Variants in BLM observed in about 807,000 individuals in gnomAD.
BLM encodes BLM RecQ like helicase.
In BLM, 95 loss-of-function variants were observed where a neutral mutation model predicts 135.3. The observed-to-expected ratio is 0.70, with a 90% CI of 0.59 to 0.83. The LOEUF is 0.83. Ranked by LOEUF, BLM falls within the 40% of genes least tolerant of loss-of-function variation. BLM has a pLI of 0.00. For missense variants in BLM, 1,518 were observed against 1,663.9 expected, an observed-to-expected ratio of 0.91 and a Z score of 1.53; for synonymous variants, 520 against 589.2, an observed-to-expected ratio of 0.88 and a Z score of 1.70.
intron 8 of BLM, among the ~76,000 whole-genome samples, chr15:90,763,736 T>C (rs985787577): frequency 6.6e-6 from 1 of 152,228 alleles, no homozygotes; most frequent in African/African-American, 2.4e-5. Flanking sequence ...TAGCACGATA[T>C]TGTGTTGGCC....
intron 8 of BLM, 83 bp from the exon 9 acceptor site, chr15:90,765,213 A>T: frequency 9.0e-7 from 1 of 1,114,046 alleles, no homozygotes; most frequent in Non-Finnish European, 1.4e-6. Context: ...GTGTCCTATT[A>T]ATGATATGAT....
At chr15:90,811,442 A>G (rs756056447) in intron 21 of BLM, 36 bp downstream of exon 21, 13 of 1,601,546 alleles carry the variant, frequency 8.1e-6, no homozygotes, top group Non-Finnish European at 1.1e-5. Flanking sequence ...TATAGGGAAC[A>G]AGGGAAGAAA....
chr15:90,780,566 A>C (rs1164005951), intron 12 of BLM, among the ~76,000 whole-genome samples: 1 of 152,244 alleles, frequency 6.6e-6, no homozygotes, highest in East Asian at 1.9e-4. Context: ...CTTATGAAAA[A>C]GGACAGCCAG....
intron 21 of BLM, among the ~76,000 whole-genome samples, chr15:90,812,149 C>T (rs950204123): frequency 7.2e-5 from 11 of 152,104 alleles, no homozygotes; most frequent in Non-Finnish European, 1.2e-4. Flanking sequence ...GTACTTGCTC[C>T]GCTGCTTTTA....
intron 21 of BLM, among the ~76,000 whole-genome samples, chr15:90,811,798 C>G (rs536716506): frequency 8.7e-5 from 13 of 149,518 alleles, no homozygotes; most frequent in South Asian, 6.3e-4. Flanking sequence ...GCTGGGACTC[C>G]AGGTGTATAC....
At chr15:90,814,974 A>T in intron 21 of BLM, 128 bp from the exon 22 acceptor site, 1 of 904,524 alleles carries the variant, frequency 1.1e-6, no homozygotes, top group Non-Finnish European at 1.7e-6. Flanking sequence ...GGGGGCTCGT[A>T]GGCAGAAAAT....
intron 17 of BLM, 47 bp downstream of exon 17, chr15:90,798,384 A>G (rs1897084612): frequency 5.1e-6 from 8 of 1,582,206 alleles, no homozygotes; most frequent in Non-Finnish European, 6.0e-6. Context: ...TTGAAATTGA[A>G]CATCTAAAGA....
rs984620626 is a variant in BLM at position 90,815,740 on chromosome 15, G to T, written c.*461G>T. On this transcript the variant is annotated 3_prime_UTR_variant, in exon 22 of 22. Transcript: ENST00000355112. The surrounding 1 kb of genome is among the most constrained non-coding windows in gnomAD (Gnocchi z 4.6). ...GAACCAGTCAGAAACATCCCAGGGG[G>T]CAGGTGGACCAAGGATGTGAACAGG... The T allele has an allele frequency of 3.9e-4, 71 of 183,210 alleles. No individual in the cohort carries two copies. Among genetic ancestry groups the T allele is most frequent in the African/African-American group, 1.6e-3 (66 of 41,666 alleles). 11.3% of individuals were successfully genotyped at this position (183,210 alleles called of 1,614,324 possible).
In BLM at chr15:90,811,290, CG is replaced by C; in HGVS notation, c.3961del (p.Val1321TyrfsTer85). 1.9e-6 allele frequency: 3 copies of C among 1,614,150 alleles called. No homozygotes were observed. The highest frequency in any genetic ancestry group is 2.5e-6 in the Non-Finnish European group (3 of 1,180,026). On this transcript the variant is annotated frameshift_variant, in exon 21 of 22. Transcript: ENST00000355112. LOFTEE classifies it high-confidence loss of function. ...AAEELDEEIP[V>X]SSHYFASKTR... The stretch of plus-strand genomic sequence containing the variant: ...CTGAGGAGCTCGACGAGGAAATACC[CG>C]TATCTTCCCACTACTTTGCAAGTAA...
intron 8 of BLM, 67 bp from the exon 9 acceptor site, chr15:90,765,229 T>C: frequency 7.8e-7 from 1 of 1,289,264 alleles, no homozygotes; most frequent in Non-Finnish European, 1.1e-6. Context: ...ATGATTTCTT[T>C]TGTAACTTTT....
At chr15:90,734,702 GAGA>G (rs1895163589) in intron 1 of BLM, among the ~76,000 whole-genome samples, 1 of 63,826 alleles carries the variant, frequency 1.6e-5, no homozygotes, top group African/African-American at 1.2e-4. Context: ...CACGCAGAGA[GAGA>G]GAGAGAGAGA....
Position 90,815,099 on chromosome 15 carries a change from CA to C in BLM, c.4077-2del. The C allele has an allele frequency of 1.9e-6, 3 of 1,613,866 alleles. No individual in the cohort carries two copies. Among genetic ancestry groups the C allele is most frequent in the Non-Finnish European group, 2.5e-6 (3 of 1,180,010 alleles). On this transcript the variant is annotated splice_acceptor_variant, in intron 21 of 21. Coordinates refer to ENST00000355112, the MANE Select transcript of BLM (RefSeq NM_000057.4). LOFTEE classifies it high-confidence loss of function. The surrounding 1 kb of genome is among the most constrained non-coding windows in gnomAD (Gnocchi z 4.6). ...TTTGATTTTTTTCTTTGTCACATTT[CA>C]GGGGGTCTGCCACATGTAGAAAGAT...
chr15:90,791,542 C>T (rs1338434545), intron 15 of BLM, among the ~76,000 whole-genome samples: 1 of 152,040 alleles, frequency 6.6e-6, no homozygotes, highest in East Asian at 1.9e-4. Context: ...TCCCCTCTTA[C>T]TAGATCTTGT....
chr15:90,742,003 A>G (rs1453603266), intron 1 of BLM, among the ~76,000 whole-genome samples: 1 of 152,224 alleles, frequency 6.6e-6, no homozygotes, highest in Non-Finnish European at 1.5e-5. Context: ...GATAATACAT[A>G]CTGTGTGATT....
At chr15:90,798,115 A>G in intron 16 of BLM, 75 bp from the exon 17 acceptor site, 1 of 1,308,650 alleles carries the variant, frequency 7.6e-7, no homozygotes, top group African/African-American at 1.5e-5. Context: ...AATCTACTAT[A>G]GTTAATATTA....
Position 90,768,246 on chromosome 15 carries a change from A to G in BLM, c.2308-887A>G, listed in dbSNP as rs141785299. Reference sequence around the variant, plus strand: ...GCGTGAGCCACTGTGCCCAGCCCACATATTTATTGATACTAGCATGAACTC... The same window carrying G: ...GCGTGAGCCACTGTGCCCAGCCCACGTATTTATTGATACTAGCATGAACTC... On this transcript the variant is annotated intron_variant, in intron 10 of 21. Coordinates refer to ENST00000355112, the MANE Select transcript of BLM (RefSeq NM_000057.4). Among the ~76,000 whole-genome samples the G allele has an allele frequency of 5.0e-3, 759 of 152,226 alleles. 8 individuals carry two copies. The highest frequency in any genetic ancestry group is 0.017 in the African/African-American group (714 of 41,550).
chr15:90,775,535 T>C (rs1264518759), intron 12 of BLM, among the ~76,000 whole-genome samples: 1 of 151,044 alleles, frequency 6.6e-6, no homozygotes, highest in Non-Finnish European at 1.5e-5. Context: ...TGTGTGTATT[T>C]TAGACCAAGT....
intron 10 of BLM, 66 bp from the exon 11 acceptor site, chr15:90,769,067 A>G: frequency 7.7e-7 from 1 of 1,301,662 alleles, no homozygotes; most frequent in Non-Finnish European, 1.1e-6. Flanking sequence ...ATGGAATTTG[A>G]AGACCACAGA....
intron 5 of BLM, among the ~76,000 whole-genome samples, chr15:90,757,487 G>C (rs770564764): frequency 6.6e-6 from 1 of 152,136 alleles, no homozygotes; most frequent in Non-Finnish European, 1.5e-5. Context: ...TCTGATGCTT[G>C]TTTTCCTTGC....
Sources: allele counts gnomAD v4.1 joint callset (sites outside exome capture counted in the v4.1 genomes callset), GRCh38; gene constraint gnomAD v4.1.1; non-coding constraint Gnocchi (gnomAD v3.1); transcripts MANE v1.5; gene names NCBI Gene and HGNC (gene_info 2026-07-23, HGNC 2026-07-21).